Variants in CBL observed in about 807,000 individuals in gnomAD.
The protein encoded by CBL is Cbl proto-oncogene.
In CBL, 45 loss-of-function variants were observed where a neutral mutation model predicts 96.9. That is an observed-to-expected ratio of 0.46 (90% CI 0.37 to 0.60). The LOEUF is 0.60. CBL is among the 20% of genes least tolerant of loss of function. The pLI, the probability that CBL is intolerant of heterozygous loss-of-function variation, is 0.00. For synonymous variants in CBL, 420 were observed against 426.8 expected (o/e 0.98, Z 0.20); for missense variants, 1,024 against 1,143.5 (o/e 0.90, Z 1.51).
At chr11:119,252,317 AT>A (rs376050934) in intron 2 of CBL, among the ~76,000 whole-genome samples, 1 of 151,844 alleles carries the variant, frequency 6.6e-6, no homozygotes, top group Non-Finnish European at 1.5e-5. Context: ...TATTTATGGT[AT>A]TTTTTTCAGG....
intron 1 of CBL, among the ~76,000 whole-genome samples, chr11:119,225,068 G>T (rs1288834195): frequency 6.6e-6 from 1 of 151,688 alleles, no homozygotes; most frequent in Non-Finnish European, 1.5e-5. Context: ...GTGTGTGTGT[G>T]TGTGTGCGCG....
intron 2 of CBL, among the ~76,000 whole-genome samples, chr11:119,260,271 G>T (rs1225685590): frequency 6.7e-6 from 1 of 148,738 alleles, no homozygotes; most frequent in African/African-American, 2.5e-5. Flanking sequence ...TTGAGATGGA[G>T]TGTCACTCTG....
intron 9 of CBL, among the ~76,000 whole-genome samples, chr11:119,281,471 C>T (rs1324532832): frequency 6.6e-6 from 1 of 150,484 alleles, no homozygotes; most frequent in Non-Finnish European, 1.5e-5. Flanking sequence ...TTCAGCGCTT[C>T]CTTTCCCTCT....
At chr11:119,255,770 G>A (rs1050471515) in intron 2 of CBL, among the ~76,000 whole-genome samples, 2 of 152,224 alleles carry the variant, frequency 1.3e-5, no homozygotes, top group East Asian at 3.9e-4. Flanking sequence ...ACAGCTTAAT[G>A]TTTGTGCTTA....
chr11:119,276,402 A>G (rs182833045), intron 6 of CBL, among the ~76,000 whole-genome samples: 37 of 152,332 alleles, frequency 2.4e-4, no homozygotes, highest in Admixed American at 1.9e-3. Context: ...CTTATTTTCA[A>G]GCCTGTGTTA....
intron 1 of CBL, among the ~76,000 whole-genome samples, chr11:119,222,588 A>C (rs1949419904): frequency 1.3e-5 from 2 of 152,234 alleles, no homozygotes; most frequent in South Asian, 4.1e-4. Flanking sequence ...CAGGATTTGG[A>C]ATGCAAAATA....
intron 1 of CBL, among the ~76,000 whole-genome samples, chr11:119,217,233 C>T (rs1366516725): frequency 6.6e-6 from 1 of 152,172 alleles, no homozygotes; most frequent in African/African-American, 2.4e-5. Context: ...TTCTCCTGCT[C>T]AGCCTCCCGA....
chr11:119,229,327 T>C (rs1315049173), intron 1 of CBL, among the ~76,000 whole-genome samples: 1 of 152,228 alleles, frequency 6.6e-6, no homozygotes, highest in Non-Finnish European at 1.5e-5. Context: ...TGGAGTCTTT[T>C]TTCCCTGGCC....
rs1949861482 is a variant in CBL at position 119,273,161 on chromosome 11, TTACCCAGGC to T, written c.591-705_591-697del. ...TTTGCAGAGACAGGATTTTGCTGTG[TTACCCAGGC>T]TGGTCTCGAAGTCCTGGCCTCAAAT... On this transcript the variant is annotated intron_variant, in intron 3 of 15. Coordinates refer to ENST00000264033, the MANE Select transcript of CBL (RefSeq NM_005188.4). Among the ~76,000 whole-genome samples, 3 of 152,146 alleles carry T rather than the reference TTACCCAGGC, an allele frequency of 2.0e-5. No individual in the cohort carries two copies. In the South Asian group the frequency reaches 6.2e-4, roughly 32 times the overall value.
rs118072101 is a variant in CBL at position 119,255,111 on chromosome 11, C to T, written c.444-16624C>T. 1.6e-3 allele frequency among the ~76,000 whole-genome samples: 249 copies of T among 152,202 alleles called. 3 individuals carry two copies. In the East Asian group the frequency reaches 0.037, roughly 23 times the overall value. ...AAGAATTCTGCCTGCCTTCCCCTAA[C>T]CTTCTTTATGGGATTGAGCGTGATA... On this transcript the variant is annotated intron_variant, in intron 2 of 15. Transcript: ENST00000264033.
chr11:119,243,914 A>C (rs1202402794), intron 2 of CBL, among the ~76,000 whole-genome samples: 1 of 151,838 alleles, frequency 6.6e-6, no homozygotes, highest in Non-Finnish European at 1.5e-5. Flanking sequence ...TTTTTTGTGG[A>C]CATCGGGTCT....
chr11:119,285,038 G>T lies in CBL; in HGVS notation c.1501G>T (p.Asp501Tyr). The change falls in exon 10 of 16, where the codon GAC (aspartate) becomes TAC (tyrosine). Residue 501 changes from aspartate (D) to tyrosine (Y), a missense_variant. Physicochemically the swap from Asp to Tyr is radical, Grantham distance 160. Around this residue, in one of 4 missense-constraint regions of CBL, gnomAD observed 695 missense variants for 661.6 expected, o/e 1.05. Coordinates refer to ENST00000264033, the MANE Select transcript of CBL (RefSeq NM_005188.4). ...ASLPPVPPRLDLLPQRVCVPS... is the reference protein window; with the variant it reads ...ASLPPVPPRLYLLPQRVCVPS... Reference sequence around the variant, plus strand: ...CCTTCCCCCGGTGCCACCACGACTTGACCTTCTGCCGCAGCGAGTATGTGT... The same window carrying T: ...CCTTCCCCCGGTGCCACCACGACTTTACCTTCTGCCGCAGCGAGTATGTGT... The T allele has an allele frequency of 6.2e-7, 1 of 1,614,106 alleles. No individual in the cohort carries two copies. The highest frequency in any genetic ancestry group is 1.1e-5 in the South Asian group (1 of 91,062).
At chr11:119,284,856 C>T (rs1277948921) in intron 9 of CBL, 113 bp from the exon 10 acceptor site, 4 of 1,308,638 alleles carry the variant, frequency 3.1e-6, no homozygotes, top group Non-Finnish European at 4.4e-6. Flanking sequence ...CTAGGTCTGG[C>T]CCATTTGTAG....
At position 119,285,099 on chromosome 11, in the gene CBL, A is replaced by T. The variant is rs1949970967; in HGVS notation, c.1562A>T (p.Lys521Met). ...GCTTCTGCTCTTGGAACTGCTTCTAAGGTAAAGCATTTTCCATTACTGCAG... is the reference window on the plus strand; with the variant it reads ...GCTTCTGCTCTTGGAACTGCTTCTATGGTAAAGCATTTTCCATTACTGCAG... ...SSASALGTASKAASGSLHKDK... is the reference protein window; with the variant it reads ...SSASALGTASMAASGSLHKDK... Residue 521 changes from lysine (K) to methionine (M), a missense_variant and splice_region_variant, in exon 10 of 16, where the codon AAG becomes ATG. Transcript: ENST00000264033. 6.2e-7 allele frequency: 1 copy of T among 1,614,088 alleles called. No homozygotes were observed. The highest frequency in any genetic ancestry group is 1.3e-5 in the African/African-American group (1 of 75,016).
At chr11:119,242,830 T>A (rs1347929934) in intron 2 of CBL, among the ~76,000 whole-genome samples, 1 of 151,878 alleles carries the variant, frequency 6.6e-6, no homozygotes, top group African/African-American at 2.4e-5. Context: ...ATGGCAAATC[T>A]ACTTTTTTTT....
Position 119,232,640 on chromosome 11 carries a change from A to G in CBL, c.388A>G (p.Ile130Val), listed in dbSNP as rs587778161. 1 of 1,613,822 alleles carries G rather than the reference A, an allele frequency of 6.2e-7. No individual in the cohort carries two copies. The highest frequency in any genetic ancestry group is 1.3e-5 in the African/African-American group (1 of 74,922). The change falls in exon 2 of 16, where the codon ATA becomes GTA. Residue 130 changes from isoleucine (I) to valine (V), a missense_variant. This residue lies in a region of CBL where 192 missense variants were observed against 321.8 expected (regional missense o/e 0.60). Coordinates refer to ENST00000264033, the MANE Select transcript of CBL (RefSeq NM_005188.4). ...TTTGATGAAGAAAACTAAGCAAACC[A>G]TAAGCCTCTTCAAGGAGGGAAAAGA... ...ENLMKKTKQT[I>V]SLFKEGKERM...
intron 2 of CBL, among the ~76,000 whole-genome samples, chr11:119,248,979 C>T (rs2135278369): frequency 6.6e-6 from 1 of 152,280 alleles, no homozygotes; most frequent in Non-Finnish European, 1.5e-5. Context: ...ATAAAACCCT[C>T]ATGCATTGGT....
Position 119,298,345 on chromosome 11 carries a change from C to T in CBL, c.2252-13C>T, listed in dbSNP as rs1029061723. 4 of 1,612,648 alleles carry T rather than the reference C, an allele frequency of 2.5e-6. No homozygotes were observed. The highest frequency in any genetic ancestry group is 1.3e-5 in the African/African-American group (1 of 74,888). ...TGCGTCAGAAGAAGATAACATCACT[C>T]ATTTTTCTCCAGGTGAAGGGAATTT... is the stretch of plus-strand genomic sequence containing the variant. On this transcript the variant is annotated splice_polypyrimidine_tract_variant and intron_variant, in intron 14 of 15. Transcript: ENST00000264033.
At chr11:119,250,349 T>G (rs559698777) in intron 2 of CBL, among the ~76,000 whole-genome samples, 1 of 152,290 alleles carries the variant, frequency 6.6e-6, no homozygotes, top group South Asian at 2.1e-4. Context: ...CTTCAGGTAT[T>G]TTCCTGTGTT....
Sources: allele counts gnomAD v4.1 joint callset (sites outside exome capture counted in the v4.1 genomes callset), GRCh38; gene constraint gnomAD v4.1.1; regional missense constraint gnomAD v4.1.1; transcripts MANE v1.5; gene names NCBI Gene and HGNC (gene_info 2026-07-23, HGNC 2026-07-21).